The following KCNN2 variants were observed in gnomAD, a reference collection of about 807,000 sequenced individuals.
The protein encoded by KCNN2 is potassium calcium-activated channel subfamily N member 2, also known as small conductance calcium-activated potassium channel protein 2.
A neutral mutation model predicts 55.5 loss-of-function variants in KCNN2; 24 were observed. The ratio of observed to expected loss-of-function variants is 0.43; its 90% confidence interval spans 0.31 to 0.61. The LOEUF (loss-of-function observed/expected upper bound fraction) is 0.61. KCNN2 is among the 20% of genes least tolerant of loss of function. KCNN2 has a pLI of 0.08. For synonymous variants in KCNN2, 431 were observed against 336.1 expected (o/e 1.28, Z -3.09); for missense variants, 754 against 853.6 (o/e 0.88, Z 1.45).
chr5:114,463,059 C>A lies in KCNN2; in HGVS notation c.1648C>A (p.Gln550Lys), dbSNP rs781438627. ...TTTGCTGTTTTTCAGGTACCATGAT[C>A]AACAGGATGTTACTAGCAACTTCCT... is the stretch of plus-strand genomic sequence containing the variant. Reference protein sequence around the residue: ...TVRACERYHDQQDVTSNFLGA... With the variant: ...TVRACERYHDKQDVTSNFLGA... The change falls in exon 4 of 8, where the codon CAA becomes AAA. Residue 550 changes from glutamine to lysine, a missense_variant. Transcript: ENST00000673685. The A allele has an allele frequency of 1.4e-5, 22 of 1,612,724 alleles. No homozygotes were observed. Among genetic ancestry groups the A allele is most frequent in the Non-Finnish European group, 1.7e-5 (20 of 1,179,386 alleles).
At chr5:114,309,147 T>G (rs1250168863) in intron 2 of KCNN2, among the ~76,000 whole-genome samples, 1 of 152,234 alleles carries the variant, frequency 6.6e-6, no homozygotes, top group Non-Finnish European at 1.5e-5. Context: ...TTAGCAATTA[T>G]ATTTATTCAC....
At chr5:114,218,474 T>G (rs1004079868) in intron 1 of KCNN2, among the ~76,000 whole-genome samples, 2 of 152,196 alleles carry the variant, frequency 1.3e-5, no homozygotes, top group Non-Finnish European at 2.9e-5. Context: ...ATTACTAAAC[T>G]GAAGAATCCA....
At chr5:114,243,028 T>G (rs563952122) in intron 2 of KCNN2, among the ~76,000 whole-genome samples, 1 of 152,272 alleles carries the variant, frequency 6.6e-6, no homozygotes, top group Admixed American at 6.5e-5. Flanking sequence ...TCTCTGCCAT[T>G]GTGGAACTTA....
intron 1 of KCNN2, among the ~76,000 whole-genome samples, chr5:114,215,550 C>A (rs555686717): frequency 1.3e-5 from 2 of 152,216 alleles, no homozygotes; most frequent in Non-Finnish European, 2.9e-5. Flanking sequence ...ATAGTTAAAT[C>A]AATAAATCAG....
intron 1 of KCNN2, among the ~76,000 whole-genome samples, chr5:114,211,587 C>A (rs1458466264): frequency 2.6e-5 from 4 of 151,838 alleles, no homozygotes; most frequent in Non-Finnish European, 5.9e-5. Flanking sequence ...GAAGGAAGAT[C>A]AAAAAGATAA....
intron 2 of KCNN2, among the ~76,000 whole-genome samples, chr5:114,279,085 T>A (rs1390227487): frequency 1.3e-5 from 2 of 152,052 alleles, no homozygotes; most frequent in Admixed American, 6.6e-5. Flanking sequence ...TATAAATTAT[T>A]AATTTTATAA....
rs74533652 is a variant in KCNN2 at position 114,487,135 on chromosome 5, A to G, written c.1976A>G (p.Lys659Arg). 13 of 1,612,934 alleles carry G rather than the reference A, an allele frequency of 8.1e-6. No individual in the cohort carries two copies. Among genetic ancestry groups the G allele is most frequent in the Non-Finnish European group, 8.5e-6 (10 of 1,179,238 alleles). ...CTAGTGAAAAAGATAGATCATGCAA[A>G]AGTAAGAAAACATCAACGAAAATTC... Reference protein sequence around the residue: ...TKLVKKIDHAKVRKHQRKFLQ... With the variant: ...TKLVKKIDHARVRKHQRKFLQ... The change falls in exon 6 of 8, where the codon AAA becomes AGA. Residue 659 changes from lysine (K) to arginine (R), a missense_variant. Lys to Arg is a conservative substitution (Grantham distance 26). Around this residue, in one of 4 missense-constraint regions of KCNN2, gnomAD observed 86 missense variants for 233.0 expected, o/e 0.37. Transcript: ENST00000673685.
Position 114,373,640 on chromosome 5 carries a change from T to TTTTATA in KCNN2, c.1218+9640_1218+9641insTTATAT, listed in dbSNP as rs536849367. ...CTCTCATGGTGTTGTTATGAAGATT[T>TTTTATA]TATATATATATATATATAAAATTAC... On this transcript the variant is annotated intron_variant, in intron 2 of 7. Transcript: ENST00000673685. Among the ~76,000 whole-genome samples the TTTTATA allele has an allele frequency of 2.6e-4, 15 of 56,718 alleles. 2 individuals are homozygous for TTTTATA. Among genetic ancestry groups the TTTTATA allele is most frequent in the African/African-American group, 7.9e-4 (15 of 19,012 alleles). 37.2% of individuals were successfully genotyped at this position (56,718 alleles called of 152,430 possible).
At chr5:114,358,823 AAAAAG>A (rs1166338826), upstream of KCNN2, among the ~76,000 whole-genome samples, 4 of 152,220 alleles carry the variant, frequency 2.6e-5, no homozygotes, top group South Asian at 4.1e-4. Context: ...TGTGTAGAAA[AAAAAG>A]AAATCATGTT....
At chr5:114,424,694 C>G (rs1166473430) in intron 3 of KCNN2, among the ~76,000 whole-genome samples, 2 of 152,164 alleles carry the variant, frequency 1.3e-5, no homozygotes, top group East Asian at 3.9e-4. Flanking sequence ...GGAGGGGTCT[C>G]CATTAAAGGG....
At chr5:114,148,845 G>A (rs970391507) in intron 1 of KCNN2, among the ~76,000 whole-genome samples, 1 of 152,088 alleles carries the variant, frequency 6.6e-6, no homozygotes, top group Non-Finnish European at 1.5e-5. Context: ...CTAGTAGGGG[G>A]TCAGCTACTC....
At chr5:114,294,769 A>C (rs1755971830) in intron 2 of KCNN2, among the ~76,000 whole-genome samples, 1 of 152,156 alleles carries the variant, frequency 6.6e-6, no homozygotes, top group African/African-American at 2.4e-5. Flanking sequence ...TGTGTCATTG[A>C]TCTGTCTAAT....
intron 2 of KCNN2, among the ~76,000 whole-genome samples, chr5:114,325,211 G>C (rs946148281): frequency 2.0e-5 from 3 of 152,122 alleles, no homozygotes; most frequent in African/African-American, 7.2e-5. Flanking sequence ...AAGAAAGGAA[G>C]AGGAATCAGG....
At chr5:114,152,122 T>C (rs1298200995) in intron 1 of KCNN2, among the ~76,000 whole-genome samples, 1 of 152,194 alleles carries the variant, frequency 6.6e-6, no homozygotes, top group Admixed American at 6.5e-5. Context: ...TGCTTTGGCA[T>C]AGCAATAAAA....
chr5:114,292,013 C>G (rs796798540), intron 2 of KCNN2, among the ~76,000 whole-genome samples: 1 of 151,474 alleles, frequency 6.6e-6, no homozygotes, highest in Non-Finnish European at 1.5e-5. Flanking sequence ...CTGTTCATAT[C>G]CTTCACCCAC....
At chr5:114,304,589 C>A (rs1756231570) in intron 2 of KCNN2, among the ~76,000 whole-genome samples, 1 of 152,166 alleles carries the variant, frequency 6.6e-6, no homozygotes, top group Non-Finnish European at 1.5e-5. Flanking sequence ...TTCTCTGCCT[C>A]AAAAGGTGTG....
At chr5:114,492,448 G>A (rs2150142209) in intron 6 of KCNN2, among the ~76,000 whole-genome samples, 1 of 152,028 alleles carries the variant, frequency 6.6e-6, no homozygotes, top group East Asian at 1.9e-4. Flanking sequence ...TTCTCTTTTG[G>A]GAAAAAGCTT....
At chr5:114,189,541 G>C (rs966848163) in intron 1 of KCNN2, among the ~76,000 whole-genome samples, 1 of 152,098 alleles carries the variant, frequency 6.6e-6, no homozygotes, top group African/African-American at 2.4e-5. Flanking sequence ...AAATGCCTGG[G>C]CACCCTGTTG....
At chr5:114,264,147 G>C (rs4602617) in intron 2 of KCNN2, among the ~76,000 whole-genome samples, 4 of 151,990 alleles carry the variant, frequency 2.6e-5, no homozygotes, top group Admixed American at 2.6e-4. Context: ...TTGGAAACAT[G>C]AACTGTTTCC....
Sources: allele counts gnomAD v4.1 joint callset (sites outside exome capture counted in the v4.1 genomes callset), GRCh38; gene constraint gnomAD v4.1.1; regional missense constraint gnomAD v4.1.1; transcripts MANE v1.5; gene names NCBI Gene and HGNC (gene_info 2026-07-23, HGNC 2026-07-21).